Variants in PLEC observed in about 807,000 individuals in gnomAD.
The protein encoded by PLEC is hemidesmosomal protein 1.
PLEC carries 216 observed loss-of-function variants against 392.8 expected under a neutral mutation model. That is an observed-to-expected ratio of 0.55 (90% CI 0.49 to 0.62). PLEC has a LOEUF of 0.62. Ranked by LOEUF, PLEC falls within the 20% of genes least tolerant of loss-of-function variation. PLEC has a pLI of 0.00. For synonymous variants in PLEC, 3,621 were observed against 2,980.6 expected, an observed-to-expected ratio of 1.21 and a Z score of -7.00; for missense variants, 6,863 against 6,563.4, an observed-to-expected ratio of 1.05 and a Z score of -1.58.
chr8:143,918,915 C>A lies in PLEC; in HGVS notation c.10906G>T (p.Gly3636Cys). The change falls in exon 32 of 32, where the codon GGT (glycine) becomes TGT (cysteine). Residue 3636 changes from glycine (G) to cysteine (C), a missense_variant. By Grantham distance (159) the Gly-to-Cys change is radical (BLOSUM62 -3). Transcript: ENST00000345136. ...IEKTEIIRQQ[G>C]LASYDYVRRR... ...CGCACGTAGTCGTAGGAGGCCAGAC[C>A]CTGCTGGCGGATGATCTCTGTCTTC... 6.2e-7 allele frequency: 1 copy of A among 1,611,220 alleles called. No individual in the cohort carries two copies. The highest frequency in any genetic ancestry group is 1.1e-5 in the South Asian group (1 of 91,088).
chr8:143,918,732 G>C lies in PLEC; in HGVS notation c.11089C>G (p.Leu3697Val), dbSNP rs17062686. 2.5e-6 allele frequency: 4 copies of C among 1,612,886 alleles called. No homozygotes were observed. Among genetic ancestry groups the C allele is most frequent in the Non-Finnish European group, 3.4e-6 (4 of 1,180,000 alleles). The change falls in exon 32 of 32, where the codon CTG (leucine) becomes GTG (valine). Residue 3697 changes from leucine to valine, a missense_variant. Coordinates refer to ENST00000345136, the MANE Select transcript of PLEC (RefSeq NM_201384.3). ...YGTGSVAGVY[L>V]PGSRQTLSIY... is the part of the protein sequence containing the mutation. ...CTCAGTGTCTGCCTGGAACCGGGCA[G>C]GTAGACACCAGCCACGGAGCCCGTG...
rs983563451 is a variant in PLEC at position 143,920,914 on chromosome 8, C to T, written c.8907G>A (p.Lys2969=). ...IITVVEEQEQ[K]GRLCFEGLRS... ...GCAGGCCCTCAAAGCAAAGCCGGCC[C>T]TTCTGCTCCTGCTCCTCCACCACCG... The change falls in exon 32 of 32, where the codon AAG becomes AAA. Residue 2969 remains lysine, a synonymous_variant. Coordinates refer to ENST00000345136, the MANE Select transcript of PLEC (RefSeq NM_201384.3). 6.2e-7 allele frequency: 1 copy of T among 1,612,648 alleles called. No homozygotes were observed. The highest frequency in any genetic ancestry group is 1.1e-5 in the South Asian group (1 of 91,086).
intron 25 of PLEC, among the ~76,000 whole-genome samples, chr8:143,928,440 G>A (rs1057122554): frequency 6.6e-6 from 1 of 151,942 alleles, no homozygotes; most frequent in Non-Finnish European, 1.5e-5. Context: ...AGTAGACAGC[G>A]GGTGGACCTG....
rs782744244 is a variant in PLEC, at chr8:143,921,681, C to T, written c.8140G>A (p.Ala2714Thr). ...CTCAGCAGCTGCCTCTGCAGGGCGGCGTAAACACTCAGCTTCTCATTGGTG... is the reference window on the plus strand; with the variant it reads ...CTCAGCAGCTGCCTCTGCAGGGCGGTGTAAACACTCAGCTTCTCATTGGTG... Reference protein sequence around the residue: ...KATNEKLSVYAALQRQLLSPG... With the variant: ...KATNEKLSVYTALQRQLLSPG... The change falls in exon 32 of 32, where the codon GCC (alanine) becomes ACC (threonine). Residue 2714 changes from alanine to threonine, a missense_variant. By Grantham distance (58) the Ala-to-Thr change is moderately conservative. Transcript: ENST00000345136. The T allele has an allele frequency of 1.6e-5, 26 of 1,613,032 alleles. No homozygotes were observed. Among genetic ancestry groups the T allele is most frequent in the East Asian group, 4.5e-5 (2 of 44,890 alleles).
chr8:143,962,464 A>G (rs1181091976), intron 1 of PLEC, among the ~76,000 whole-genome samples: 3 of 152,250 alleles, frequency 2.0e-5, no homozygotes, highest in African/African-American at 7.2e-5. Flanking sequence ...ATCAAAGGAA[A>G]TCAATACAGA....
rs1564109028 is a variant in PLEC, at chr8:143,930,301, G to A, written c.2458-3C>T. On this transcript the variant is annotated splice_polypyrimidine_tract_variant and splice_region_variant and intron_variant, in intron 20 of 31. Coordinates refer to ENST00000345136, the MANE Select transcript of PLEC (RefSeq NM_201384.3). ...TCGTCACCCTTGTGCACAGTCACCT[G>A]GGACGGGCAGAGTCGGTGAGGACAT... The A allele has an allele frequency of 6.9e-6, 11 of 1,601,464 alleles. No individual in the cohort carries two copies. Among genetic ancestry groups the A allele is most frequent in the Non-Finnish European group, 8.5e-6 (10 of 1,178,132 alleles).
At chr8:143,950,924 A>G (rs1419385678), upstream of PLEC, 6 of 982,564 alleles carry the variant, frequency 6.1e-6, no homozygotes, top group Middle Eastern at 6.7e-4. Flanking sequence ...CCCTGCCGGC[A>G]CTGCCGGCTG....
rs140068101 is a variant in PLEC at position 143,929,395 on chromosome 8, G to A, written c.3081+19C>T. 1.2e-5 allele frequency: 18 copies of A among 1,556,776 alleles called. No homozygotes were observed. Among genetic ancestry groups the A allele is most frequent in the South Asian group, 8.1e-5 (7 of 86,034 alleles). On this transcript the variant is annotated intron_variant, in intron 24 of 31. Coordinates refer to ENST00000345136, the MANE Select transcript of PLEC (RefSeq NM_201384.3). ...GATGGGGAGAGGGATGGGACTGGAT[G>A]GGGGGGGACGGCCCCTGCCTGCTGC...
intron 1 of PLEC, 134 bp downstream of exon 1, chr8:143,939,216 A>G (rs1319548957): frequency 5.7e-6 from 7 of 1,238,664 alleles, no homozygotes; most frequent in Non-Finnish European, 6.8e-6. Flanking sequence ...TTGGGTGGGG[A>G]TGGCTGGCCC....
rs1345147732 is a variant in PLEC, at chr8:143,973,386, G to C, written c.70+17C>G. On this transcript the variant is annotated intron_variant, in intron 1 of 31. Coordinates refer to the PLEC transcript ENST00000356346. This position sits in a 1 kb window ranked among gnomAD's most constrained non-coding sequence, Gnocchi z 5.6. ...TGTCAGGAGCGGCCCGACAGGCAGC[G>C]GGACGGGGGGCCGTACCTTTGTACT... 6.4e-7 allele frequency: 1 copy of C among 1,559,692 alleles called. No individual in the cohort carries two copies. The highest frequency in any genetic ancestry group is 1.9e-5 in the Admixed American group (1 of 53,766).
rs1554686169 is a variant in PLEC, at chr8:143,921,545, A to G, written c.8276T>C (p.Val2759Ala). ...TVNEAVKEGV[V>A]GPELHHKLLS... is the part of the protein sequence containing the mutation. ...CAGCTTGTGGTGCAGCTCGGGGCCCACCACACCCTCCTTCACAGCCTCGTT... is the reference window on the plus strand; with the variant it reads ...CAGCTTGTGGTGCAGCTCGGGGCCCGCCACACCCTCCTTCACAGCCTCGTT... The change falls in exon 32 of 32, where the codon GTG (valine) becomes GCG (alanine). Residue 2759 changes from valine to alanine, a missense_variant. By Grantham distance (64) the Val-to-Ala change is moderately conservative. Coordinates refer to ENST00000345136, the MANE Select transcript of PLEC (RefSeq NM_201384.3). 3 of 1,612,532 alleles carry G rather than the reference A, an allele frequency of 1.9e-6. No individual in the cohort carries two copies. Among genetic ancestry groups the G allele is most frequent in the African/African-American group, 1.3e-5 (1 of 74,838 alleles).
At position 143,929,297 on chromosome 8, in the gene PLEC, G is replaced by A; in HGVS notation, c.3082-16C>T. 6.3e-7 allele frequency: 1 copy of A among 1,599,042 alleles called. No individual in the cohort carries two copies. Among genetic ancestry groups the A allele is most frequent in the Non-Finnish European group, 8.5e-7 (1 of 1,179,326 alleles). ...CCTGTGCCTTCTGCAAAGACAGGGA[G>A]TGGGAACGCACTCATCACCGAGCGC... On this transcript the variant is annotated splice_polypyrimidine_tract_variant and intron_variant, in intron 24 of 31. Coordinates refer to ENST00000345136, the MANE Select transcript of PLEC (RefSeq NM_201384.3).
In PLEC at chr8:143,926,842, A is replaced by G. The variant is rs1281096641; in HGVS notation, c.3986T>C (p.Leu1329Pro). 5 of 1,613,606 alleles carry G rather than the reference A, an allele frequency of 3.1e-6. No individual in the cohort carries two copies. The Admixed American group carries it at 8.3e-5, about 27-fold the overall frequency. The change falls in exon 30 of 32, where the codon CTG becomes CCG. Residue 1329 changes from leucine (L) to proline (P), a missense_variant. Coordinates refer to ENST00000345136, the MANE Select transcript of PLEC (RefSeq NM_201384.3). Reference sequence around the variant, plus strand: ...GATGAACTTGATGTACTGGCTCGTCAGTGTGGTCAGCTCGCTGTAGTGCGT... The same window carrying G: ...GATGAACTTGATGTACTGGCTCGTCGGTGTGGTCAGCTCGCTGTAGTGCGT... ...LRTHYSELTT[L>P]TSQYIKFISE...
chr8:143,922,045 C>G lies in PLEC; in HGVS notation c.7776G>C (p.Gln2592His). The G allele has an allele frequency of 6.3e-7, 1 of 1,594,822 alleles. No individual in the cohort carries two copies. Among genetic ancestry groups the G allele is most frequent in the Non-Finnish European group, 8.5e-7 (1 of 1,178,506 alleles). ...QQEELLAEEN[Q>H]RLREQLQLLE... is the part of the protein sequence containing the mutation. ...GGAGCTGCAGCTGCTCACGCAGCCTCTGGTTCTCCTCAGCCAGCAGCTCCT... is the reference window on the plus strand; with the variant it reads ...GGAGCTGCAGCTGCTCACGCAGCCTGTGGTTCTCCTCAGCCAGCAGCTCCT... The change falls in exon 32 of 32, where the codon CAG becomes CAC. Residue 2592 changes from glutamine to histidine, a missense_variant. By Grantham distance (24) the Gln-to-His change is conservative. Transcript: ENST00000345136.
rs577208319 is a variant in PLEC at position 143,967,342 on chromosome 8, A to G, written c.70+6061T>C. Among the ~76,000 whole-genome samples, 167 of 140,586 alleles carry G rather than the reference A, an allele frequency of 1.2e-3. 1 individual carries two copies. The highest frequency in any genetic ancestry group is 4.3e-3 in the African/African-American group (161 of 37,776). 92.2% of individuals were successfully genotyped at this position (140,586 alleles called of 152,430 possible). A position where few individuals can be genotyped will look rare whatever the true frequency, so the allele number is the denominator to read the frequency against. On this transcript the variant is annotated intron_variant, in intron 1 of 31. Coordinates refer to the PLEC transcript ENST00000356346. Reference sequence around the variant, plus strand: ...CGCGCCACTGCATTCCAGCCTGGGCAACAGAGCGAGACTCCATCTCAAAAA... The same window carrying G: ...CGCGCCACTGCATTCCAGCCTGGGCGACAGAGCGAGACTCCATCTCAAAAA...
chr8:143,975,305 G>A (rs1554745692), upstream of PLEC: 1 of 1,611,638 alleles, frequency 6.2e-7, no homozygotes. This position sits in a 1 kb window ranked among gnomAD's most constrained non-coding sequence, Gnocchi z 9.9. Flanking sequence ...AGGGCTGGGC[G>A]AGCCACTGCT....
At chr8:143,950,025 C>A (rs1305112864) in intron 1 of PLEC, among the ~76,000 whole-genome samples, 3 of 152,192 alleles carry the variant, frequency 2.0e-5, no homozygotes, top group Admixed American at 6.5e-5. Flanking sequence ...GCAAGCGCAC[C>A]CCCTGACCCT....
In PLEC at chr8:143,927,397, G is replaced by T. The variant is rs201040617; in HGVS notation, c.3756+13C>A. On this transcript the variant is annotated intron_variant, in intron 27 of 31. Coordinates refer to ENST00000345136, the MANE Select transcript of PLEC (RefSeq NM_201384.3). ...CACGCCCAGCCGCCCCGTCCCCACC[G>T]ACCCAAGCCCACCTGCTCCTGCCGC... 10 of 1,606,952 alleles carry T rather than the reference G, an allele frequency of 6.2e-6. No homozygotes were observed. Among genetic ancestry groups the T allele is most frequent in the Non-Finnish European group, 8.5e-6 (10 of 1,179,096 alleles).
At chr8:143,936,206 G>A (rs975494411) in intron 5 of PLEC, among the ~76,000 whole-genome samples, 192 bp from the exon 6 acceptor site, 7 of 152,104 alleles carry the variant, frequency 4.6e-5, no homozygotes, top group African/African-American at 1.7e-4. Flanking sequence ...GCCATGCCTC[G>A]GGGCCACAAG....
Sources: allele counts gnomAD v4.1 joint callset (sites outside exome capture counted in the v4.1 genomes callset), GRCh38; gene constraint gnomAD v4.1.1; non-coding constraint Gnocchi (gnomAD v3.1); transcripts MANE v1.5; gene names NCBI Gene and HGNC (gene_info 2026-07-23, HGNC 2026-07-21).